RABGAP1L: variants seen among roughly 807,000 people sequenced by gnomAD.
RABGAP1L encodes RAB GTPase activating protein 1 like.
In RABGAP1L, 63 loss-of-function variants were observed where a neutral mutation model predicts 137.7. The ratio of observed to expected loss-of-function variants is 0.46; its 90% CI spans 0.37 to 0.56. RABGAP1L has a LOEUF of 0.56. Among genes scored for constraint, RABGAP1L ranks in the 20% least tolerant of loss-of-function variants. The probability of loss-of-function intolerance (pLI) is 0.00; values close to 1 mark genes in which losing one functional copy is unlikely to be tolerated. For missense variants in RABGAP1L, 1,095 were observed against 1,244.0 expected (o/e 0.88, Z 1.80); for synonymous variants, 431 against 433.7 (o/e 0.99, Z 0.08).
chr1:174,817,702 G>T (rs1032806899), intron 19 of RABGAP1L, among the ~76,000 whole-genome samples: 9 of 152,280 alleles, frequency 5.9e-5, no homozygotes, highest in Admixed American at 4.6e-4. Flanking sequence ...AGGTCATTCT[G>T]GTTGCTGTGT....
chr1:174,423,141 T>C (rs1046486446), intron 13 of RABGAP1L, among the ~76,000 whole-genome samples: 2 of 152,118 alleles, frequency 1.3e-5, no homozygotes, highest in Admixed American at 6.6e-5. Flanking sequence ...GATCTAAAGG[T>C]ACAAAAAATT....
chr1:174,372,595 A>G (rs1025720039), intron 12 of RABGAP1L, among the ~76,000 whole-genome samples: 2 of 152,172 alleles, frequency 1.3e-5, no homozygotes, highest in Non-Finnish European at 2.9e-5. Context: ...TTATCGTACA[A>G]AACAAGAAAA....
chr1:174,291,683 T>C (rs1372578955), intron 10 of RABGAP1L, among the ~76,000 whole-genome samples: 3 of 152,160 alleles, frequency 2.0e-5, no homozygotes, highest in Admixed American at 2.0e-4. Flanking sequence ...TCTTGAAATG[T>C]TGGTGATTTG....
At chr1:174,652,876 G>A (rs182527484) in intron 14 of RABGAP1L, among the ~76,000 whole-genome samples, 39 of 152,318 alleles carry the variant, frequency 2.6e-4, no homozygotes, top group African/African-American at 7.0e-4. Flanking sequence ...GAGTGTTTAA[G>A]TCTGCTGAAG....
chr1:174,408,439 A>G (rs947860784), intron 13 of RABGAP1L, among the ~76,000 whole-genome samples: 1 of 152,076 alleles, frequency 6.6e-6, no homozygotes, highest in Non-Finnish European at 1.5e-5. Flanking sequence ...GTGTATATAT[A>G]CCACATTTTC....
At chr1:174,172,200 GTGTGTGTGTGTGTGTGTA>G (rs1363430070) in intron 1 of RABGAP1L, among the ~76,000 whole-genome samples, 1 of 139,446 alleles carries the variant, frequency 7.2e-6, no homozygotes, top group Non-Finnish European at 1.5e-5. Flanking sequence ...GTGTGTGTGT[GTGTGTGTGTGTGTGTGTA>G]TATATGCCAC....
At chr1:174,543,211 A>G (rs1374775304) in intron 13 of RABGAP1L, among the ~76,000 whole-genome samples, 1 of 152,056 alleles carries the variant, frequency 6.6e-6, no homozygotes, top group East Asian at 1.9e-4. Context: ...GTCTCCCATT[A>G]TTATTGTGTG....
At chr1:174,550,915 C>G (rs866602190) in intron 13 of RABGAP1L, among the ~76,000 whole-genome samples, 1 of 98,020 alleles carries the variant, frequency 1.0e-5, no homozygotes, top group African/African-American at 7.1e-5. Flanking sequence ...CATATACACA[C>G]ACACACATAT....
At chr1:174,951,933 C>T (rs1373445940) in intron 19 of RABGAP1L, among the ~76,000 whole-genome samples, 1 of 152,126 alleles carries the variant, frequency 6.6e-6, no homozygotes, top group Non-Finnish European at 1.5e-5. Context: ...TATACTATTT[C>T]ATAAAGTCAG....
intron 17 of RABGAP1L, among the ~76,000 whole-genome samples, chr1:174,743,570 A>G (rs1683624314): frequency 6.6e-6 from 1 of 152,152 alleles, no homozygotes; most frequent in Non-Finnish European, 1.5e-5. Flanking sequence ...TTCCTTGTTC[A>G]ACAAACCCCC....
intron 13 of RABGAP1L, among the ~76,000 whole-genome samples, chr1:174,413,703 T>C (rs1650208272): frequency 6.6e-6 from 1 of 152,138 alleles, no homozygotes; most frequent in South Asian, 2.1e-4. Context: ...CTGCAGAGAA[T>C]TCTGGTTAGG....
intron 13 of RABGAP1L, among the ~76,000 whole-genome samples, chr1:174,615,702 A>C (rs192239394): frequency 4.7e-4 from 71 of 152,320 alleles, no homozygotes; most frequent in Admixed American, 1.5e-3. Context: ...AGAGGCAGGC[A>C]GGCCTCCTTG....
intron 1 of RABGAP1L, among the ~76,000 whole-genome samples, chr1:174,200,554 T>A (rs1668023760): frequency 6.6e-6 from 1 of 152,222 alleles, no homozygotes; most frequent in Non-Finnish European, 1.5e-5. Flanking sequence ...TTGGGGAGAT[T>A]GTTGAAACTG....
chr1:174,401,260 G>A (rs1648544469), intron 13 of RABGAP1L, among the ~76,000 whole-genome samples: 1 of 152,064 alleles, frequency 6.6e-6, no homozygotes, highest in Non-Finnish European at 1.5e-5. Flanking sequence ...CTTACTGGTT[G>A]GTGACCTTGG....
At chr1:174,623,961 G>C (rs1429491746) in intron 13 of RABGAP1L, among the ~76,000 whole-genome samples, 1 of 152,132 alleles carries the variant, frequency 6.6e-6, no homozygotes, top group East Asian at 1.9e-4. Flanking sequence ...AAACCAAACT[G>C]GAACCAATGG....
intron 13 of RABGAP1L, among the ~76,000 whole-genome samples, chr1:174,464,433 G>A (rs897301558): frequency 2.6e-5 from 4 of 152,068 alleles, no homozygotes; most frequent in Admixed American, 6.5e-5. Flanking sequence ...TTCTCCAGGA[G>A]CATATACTAT....
In RABGAP1L at chr1:174,540,613, G is replaced by A. The variant is rs192670691; in HGVS notation, c.1711-96762G>A. On this transcript the variant is annotated intron_variant, in intron 13 of 25. Transcript: ENST00000681986. ...GAGATCAGATGGTTGTAGATGTGTG[G>A]TGTTATTTCTGAGGGCTCTGTTCTG... Among the ~76,000 whole-genome samples the A allele has an allele frequency of 3.9e-5, 6 of 152,248 alleles. No individual in the cohort carries two copies. The East Asian group carries it at 9.7e-4, about 24-fold the overall frequency.
At chr1:174,958,294 A>G in intron 20 of RABGAP1L, 2 of 961,166 alleles carry the variant, frequency 2.1e-6, no homozygotes, top group Non-Finnish European at 2.8e-6. Context: ...TCATTTTAAT[A>G]CGTTCGTTAA....
chr1:174,213,161 A>T (rs999207165), intron 1 of RABGAP1L, among the ~76,000 whole-genome samples: 2 of 152,230 alleles, frequency 1.3e-5, no homozygotes, highest in African/African-American at 2.4e-5. Context: ...ATGGTGGCTC[A>T]TGCCTGTAAT....
Sources: gnomAD v4.1 joint callset for allele counts (sites outside exome capture counted in the v4.1 genomes callset) on GRCh38, gnomAD v4.1.1 for gene constraint, MANE v1.5 for transcripts, NCBI Gene and HGNC (gene_info 2026-07-23, HGNC 2026-07-21) for gene names.